TBC1D8: variants seen among roughly 807,000 people sequenced by gnomAD.
TBC1D8 encodes the protein BUB2-like protein 1.
TBC1D8 carries 65 observed loss-of-function variants against 118.8 expected under a neutral mutation model. The observed-to-expected ratio is 0.55, with a 90% confidence interval of 0.45 to 0.67. The LOEUF (loss-of-function observed/expected upper bound fraction) is 0.67, where lower values mean the gene tolerates loss of function less well. Among genes scored for constraint, TBC1D8 ranks in the 30% least tolerant of loss-of-function variants. The probability of loss-of-function intolerance (pLI) is 0.00; values close to 1 mark genes in which losing one functional copy is unlikely to be tolerated. For synonymous variants in TBC1D8, 566 were observed against 595.8 expected, an observed-to-expected ratio of 0.95 and a Z score of 0.73; for missense variants, 1,376 against 1,471.2, an observed-to-expected ratio of 0.94 and a Z score of 1.06.
chr2:101,088,281 A>ACT (rs1361024958), intron 2 of TBC1D8, among the ~76,000 whole-genome samples: 1 of 147,610 alleles, frequency 6.8e-6, no homozygotes, highest in African/African-American at 2.5e-5. Context: ...TTTGACACAC[A>ACT]CTCTCTCTCT....
At chr2:101,026,153 CGAT>C (rs1304317462) in intron 15 of TBC1D8, among the ~76,000 whole-genome samples, 1 of 152,126 alleles carries the variant, frequency 6.6e-6, no homozygotes, top group Non-Finnish European at 1.5e-5. Flanking sequence ...TTCCGACATG[CGAT>C]AGTTCCTATT....
Position 101,022,363 on chromosome 2 carries a change from C to A in TBC1D8, c.2679G>T (p.Glu893Asp), listed in dbSNP as rs149786151. 1 of 1,613,270 alleles carries A rather than the reference C, an allele frequency of 6.2e-7. No individual in the cohort carries two copies. The highest frequency in any genetic ancestry group is 2.2e-5 in the East Asian group (1 of 44,872). ...VSPWTCGAHT[E>D]ILAERTFRLL... is the part of the protein sequence containing the mutation. Reference sequence around the variant, plus strand: ...GCCTGAACGTCCTTTCGGCGAGGATCTCCGTGTGGGCCCCGCAGGTCCAGG... The same window carrying A: ...GCCTGAACGTCCTTTCGGCGAGGATATCCGTGTGGGCCCCGCAGGTCCAGG... Residue 893 changes from glutamate (E) to aspartate (D), a missense_variant, in exon 16 of 20, where the codon GAG becomes GAT. Coordinates refer to ENST00000409318, the MANE Select transcript of TBC1D8 (RefSeq NM_001330348.2).
At chr2:101,117,718 C>T (rs1395986949) in intron 1 of TBC1D8, among the ~76,000 whole-genome samples, 6 of 151,554 alleles carry the variant, frequency 4.0e-5, no homozygotes, top group East Asian at 3.9e-4. Context: ...GGACTACAGG[C>T]GCCCGCCACC....
chr2:101,035,090 T>C (rs1004787279), intron 9 of TBC1D8, among the ~76,000 whole-genome samples: 7 of 151,996 alleles, frequency 4.6e-5, no homozygotes, highest in Non-Finnish European at 8.8e-5. Flanking sequence ...AAGAGGCTGA[T>C]AGTGAAGTAG....
intron 2 of TBC1D8, among the ~76,000 whole-genome samples, chr2:101,073,318 G>A (rs1364920172): frequency 1.5e-5 from 2 of 137,218 alleles, no homozygotes; most frequent in Non-Finnish European, 3.1e-5. Context: ...TTTTGGAGAT[G>A]GAGTCTTGCT....
chr2:101,118,470 G>A (rs900376571), intron 1 of TBC1D8, among the ~76,000 whole-genome samples: 45 of 147,004 alleles, frequency 3.1e-4, no homozygotes, highest in Admixed American at 1.9e-3. Flanking sequence ...GCCAAGGCGG[G>A]TGGATCACAA....
chr2:101,150,699 C>G (rs2104294964), intron 1 of TBC1D8, among the ~76,000 whole-genome samples: 1 of 152,334 alleles, frequency 6.6e-6, no homozygotes, highest in East Asian at 1.9e-4. Flanking sequence ...GCCACGACAC[C>G]ACCTGGAGCC....
intron 1 of TBC1D8, among the ~76,000 whole-genome samples, chr2:101,137,093 C>T (rs1454789406): frequency 1.4e-5 from 2 of 145,412 alleles, no homozygotes; most frequent in Admixed American, 7.3e-5. Flanking sequence ...AGTGCAATGG[C>T]GCGATCTCGG....
chr2:101,112,195 T>C (rs990218170), intron 1 of TBC1D8, among the ~76,000 whole-genome samples: 1 of 152,186 alleles, frequency 6.6e-6, no homozygotes, highest in Non-Finnish European at 1.5e-5. Context: ...GGTGATATCA[T>C]GCTCAAACAC....
intron 1 of TBC1D8, among the ~76,000 whole-genome samples, chr2:101,134,816 G>A (rs1678770730): frequency 1.3e-5 from 2 of 152,160 alleles, no homozygotes; most frequent in South Asian, 4.1e-4. Context: ...TTAACTTTTG[G>A]TATTAATACA....
At chr2:101,035,990 T>A (rs199710160) in intron 9 of TBC1D8, 28 bp downstream of exon 9, 2 of 1,611,592 alleles carry the variant, frequency 1.2e-6, no homozygotes, top group East Asian at 2.2e-5. Context: ...AAAAGAACAA[T>A]TAGCTTCGAG....
At chr2:101,118,682 A>G (rs1420783697) in intron 1 of TBC1D8, among the ~76,000 whole-genome samples, 13 of 132,312 alleles carry the variant, frequency 9.8e-5, no homozygotes, top group Non-Finnish European at 6.3e-5. Context: ...GGGCGACAGA[A>G]TGAAACTCCA....
intron 14 of TBC1D8, 45 bp from the exon 15 acceptor site, chr2:101,027,496 A>G (rs2105383412): frequency 6.3e-7 from 1 of 1,578,378 alleles, no homozygotes; most frequent in South Asian, 1.1e-5. Context: ...CTAGGCCTGC[A>G]CCCCCAGGGG....
At chr2:101,089,828 G>T (rs1443429331) in intron 2 of TBC1D8, among the ~76,000 whole-genome samples, 1 of 150,942 alleles carries the variant, frequency 6.6e-6, no homozygotes, top group Non-Finnish European at 1.5e-5. Context: ...ATTCGTTATC[G>T]ACAATATACG....
chr2:101,149,776 A>C (rs1679472017), intron 1 of TBC1D8, among the ~76,000 whole-genome samples: 1 of 152,182 alleles, frequency 6.6e-6, no homozygotes, highest in African/African-American at 2.4e-5. Flanking sequence ...CACGGGGCCC[A>C]ACAAGGCCAC....
chr2:101,083,378 T>C (rs1358742777), intron 2 of TBC1D8, among the ~76,000 whole-genome samples: 3 of 151,518 alleles, frequency 2.0e-5, no homozygotes, highest in Non-Finnish European at 4.4e-5. Flanking sequence ...GTCAGGGAGG[T>C]GACATCTCAG....
At chr2:101,111,150 A>G (rs1450748159) in intron 1 of TBC1D8, among the ~76,000 whole-genome samples, 1 of 152,236 alleles carries the variant, frequency 6.6e-6, no homozygotes, top group African/African-American at 2.4e-5. Flanking sequence ...TATTCAAAGT[A>G]AAATTCATAA....
chr2:101,140,892 G>A (rs971958224), intron 1 of TBC1D8, among the ~76,000 whole-genome samples: 2 of 151,712 alleles, frequency 1.3e-5, no homozygotes, highest in Non-Finnish European at 2.9e-5. Flanking sequence ...CTCCAGAGTA[G>A]CTGGGATTAC....
chr2:101,069,754 T>C (rs867087881), intron 2 of TBC1D8, among the ~76,000 whole-genome samples: 2 of 152,182 alleles, frequency 1.3e-5, no homozygotes, highest in Non-Finnish European at 2.9e-5. Flanking sequence ...GTATTAAACA[T>C]AGCAGTTAAA....
Sources: allele counts gnomAD v4.1 joint callset (sites outside exome capture counted in the v4.1 genomes callset), GRCh38; gene constraint gnomAD v4.1.1; transcripts MANE v1.5; gene names NCBI Gene and HGNC (gene_info 2026-07-23, HGNC 2026-07-21).